Variants in PLEKHM3 observed in about 807,000 individuals in gnomAD.
PLEKHM3 encodes pleckstrin homology domain-containing family M member 3.
In PLEKHM3, 45 loss-of-function variants were observed where a neutral mutation model predicts 81.8. The ratio of observed to expected loss-of-function variants is 0.55; its 90% CI spans 0.43 to 0.71. The LOEUF is 0.71. Among genes scored for constraint, PLEKHM3 ranks in the 30% least tolerant of loss-of-function variants. The probability of loss-of-function intolerance (pLI) is 0.00; values close to 1 mark genes in which losing one functional copy is unlikely to be tolerated. For synonymous variants in PLEKHM3, 352 were observed against 356.4 expected (o/e 0.99, Z 0.14); for missense variants, 788 against 924.3 (o/e 0.85, Z 1.91).
At chr2:207,915,208 G>T (rs1688948083) in intron 5 of PLEKHM3, among the ~76,000 whole-genome samples, 1 of 152,132 alleles carries the variant, frequency 6.6e-6, no homozygotes, top group Non-Finnish European at 1.5e-5. Context: ...TAATGAGAAA[G>T]GTGAGAAAAG....
intron 3 of PLEKHM3, among the ~76,000 whole-genome samples, chr2:207,949,065 T>G (rs1690243175): frequency 6.6e-6 from 1 of 152,200 alleles, no homozygotes; most frequent in East Asian, 1.9e-4. Context: ...GATGATAAAC[T>G]GAGTACTATC....
chr2:207,983,208 C>T (rs139356601), intron 2 of PLEKHM3, among the ~76,000 whole-genome samples: 4,571 of 152,126 alleles, frequency 0.03, 212 homozygotes, highest in African/African-American at 0.1. Context: ...CCAGCCACCA[C>T]GCCCAGCTAA....
At chr2:207,971,544 C>G (rs1214120176) in intron 3 of PLEKHM3, among the ~76,000 whole-genome samples, 1 of 149,182 alleles carries the variant, frequency 6.7e-6, no homozygotes, top group Admixed American at 6.7e-5. Context: ...TATATTGTGT[C>G]AATTAAAACT....
intron 7 of PLEKHM3, among the ~76,000 whole-genome samples, chr2:207,837,628 C>T (rs1481128161): frequency 1.7e-5 from 2 of 114,716 alleles, no homozygotes; most frequent in Non-Finnish European, 3.6e-5. Context: ...TACAATAGTT[C>T]TCCCTTTTTT....
chr2:207,942,593 A>G (rs541811021), intron 4 of PLEKHM3, among the ~76,000 whole-genome samples: 3 of 152,258 alleles, frequency 2.0e-5, no homozygotes, highest in Admixed American at 6.5e-5. Flanking sequence ...ACATGGATAG[A>G]ACTGGAAATT....
intron 2 of PLEKHM3, among the ~76,000 whole-genome samples, chr2:207,996,205 G>GA (rs2106079983): frequency 1.3e-5 from 2 of 152,282 alleles, no homozygotes; most frequent in East Asian, 3.9e-4. Context: ...GTCAGGGAGA[G>GA]AAAATCAAAA....
rs1239982384 is a variant in PLEKHM3 at position 207,976,969 on chromosome 2, ACACGTC to A, written c.1222_1227del (p.Asp408_Val409del). ...AGGTTGTCCATCTGGACAGCCAGAC[ACACGTC>A]CACGTTGTAGCTCAACAGTGGATCC... On this transcript the variant is annotated inframe_deletion, in exon 3 of 8. Transcript: ENST00000427836. The surrounding 1 kb of genome is among the most constrained non-coding windows in gnomAD (Gnocchi z 4.1). 6.2e-7 allele frequency: 1 copy of A among 1,614,210 alleles called. No homozygotes were observed. Among genetic ancestry groups the A allele is most frequent in the Admixed American group, 1.7e-5 (1 of 60,028 alleles).
intron 3 of PLEKHM3, among the ~76,000 whole-genome samples, chr2:207,957,918 G>T (rs943974292): frequency 3.3e-5 from 5 of 152,084 alleles, no homozygotes; most frequent in Non-Finnish European, 7.4e-5. Flanking sequence ...TGGTAGGATG[G>T]GTGGGTAAGC....
intron 2 of PLEKHM3, among the ~76,000 whole-genome samples, chr2:207,998,819 G>A (rs1438470027): frequency 6.6e-6 from 1 of 152,072 alleles, no homozygotes; most frequent in Non-Finnish European, 1.5e-5. Context: ...GCTACACCAG[G>A]GATTTAGAAT....
intron 2 of PLEKHM3, 91 bp from the exon 3 acceptor site, chr2:207,977,677 A>G: frequency 9.0e-7 from 1 of 1,112,370 alleles, no homozygotes; most frequent in Non-Finnish European, 1.3e-6. Context: ...ACAAGAAACC[A>G]CACAGATCAG....
intron 5 of PLEKHM3, among the ~76,000 whole-genome samples, chr2:207,910,569 T>C (rs1016953925): frequency 1.3e-5 from 2 of 152,312 alleles, no homozygotes; most frequent in Admixed American, 6.5e-5. Context: ...CAGGACTTTC[T>C]GACTCCAAAG....
chr2:207,949,456 C>G (rs1174693475), intron 3 of PLEKHM3, among the ~76,000 whole-genome samples: 1 of 152,170 alleles, frequency 6.6e-6, no homozygotes, highest in Non-Finnish European at 1.5e-5. Flanking sequence ...GGGAGGAGCA[C>G]TTGAACCTAG....
chr2:207,887,941 C>T (rs1483792539), intron 6 of PLEKHM3, among the ~76,000 whole-genome samples: 1 of 152,134 alleles, frequency 6.6e-6, no homozygotes, highest in Non-Finnish European at 1.5e-5. Flanking sequence ...TCTCTAGACC[C>T]TATACTGGGC....
intron 4 of PLEKHM3, among the ~76,000 whole-genome samples, chr2:207,935,900 T>C (rs529458776): frequency 3.9e-5 from 6 of 152,354 alleles, no homozygotes; most frequent in African/African-American, 1.4e-4. Flanking sequence ...TAGGATCCCA[T>C]TTGATTTTAA....
intron 2 of PLEKHM3, among the ~76,000 whole-genome samples, chr2:207,991,073 C>T (rs746841787): frequency 1.3e-4 from 20 of 152,156 alleles, no homozygotes; most frequent in East Asian, 5.8e-4. Context: ...GATCACAGAT[C>T]CAACTTTTTA....
chr2:207,942,215 A>C (rs533749254), intron 4 of PLEKHM3, among the ~76,000 whole-genome samples: 1 of 152,382 alleles, frequency 6.6e-6, no homozygotes, highest in South Asian at 2.1e-4. Context: ...GATATTATTC[A>C]GCCATAAAAA....
At chr2:208,019,469 G>A (rs983400404) in intron 1 of PLEKHM3, among the ~76,000 whole-genome samples, 3 of 152,110 alleles carry the variant, frequency 2.0e-5, no homozygotes, top group African/African-American at 7.2e-5. Context: ...TAATTCAGCT[G>A]TCCAGTCCTT....
intron 6 of PLEKHM3, among the ~76,000 whole-genome samples, chr2:207,893,936 C>T (rs1688142155): frequency 1.3e-5 from 2 of 151,990 alleles, no homozygotes; most frequent in Admixed American, 6.6e-5. Context: ...CGAAACACAG[C>T]GAGACCTTGT....
At chr2:207,870,838 G>C (rs1336483523) in intron 6 of PLEKHM3, among the ~76,000 whole-genome samples, 1 of 152,096 alleles carries the variant, frequency 6.6e-6, no homozygotes, top group Admixed American at 6.6e-5. Context: ...CTGGATGTGG[G>C]GGCTGATGCC....
Sources: allele counts gnomAD v4.1 joint callset (sites outside exome capture counted in the v4.1 genomes callset), GRCh38; gene constraint gnomAD v4.1.1; non-coding constraint Gnocchi (gnomAD v3.1); transcripts MANE v1.5; gene names NCBI Gene and HGNC (gene_info 2026-07-23, HGNC 2026-07-21).